KIF4A: variants seen among roughly 807,000 people sequenced by gnomAD.
The protein encoded by KIF4A is chromosome-associated kinesin KIF4A.
A neutral mutation model predicts 105.9 loss-of-function variants in KIF4A; 7 were observed. The ratio of observed to expected loss-of-function variants is 0.07; its 90% CI spans 0.04 to 0.12. The LOEUF is 0.12. Ranked by LOEUF, KIF4A falls within the 10% of genes least tolerant of loss-of-function variation. The pLI is 1.00. For synonymous variants in KIF4A, 281 were observed against 331.3 expected, an observed-to-expected ratio of 0.85 and a Z score of 1.65; for missense variants, 558 against 929.2, an observed-to-expected ratio of 0.60 and a Z score of 5.19.
chrX:70,368,486 A>T (rs1357890808), intron 15 of KIF4A, among the ~76,000 whole-genome samples: 4 of 112,152 alleles, frequency 3.6e-5, no homozygotes, highest in Non-Finnish European at 7.5e-5. Context: ...CCTTAGCTGC[A>T]GGTATGTTGG....
intron 9 of KIF4A, among the ~76,000 whole-genome samples, chrX:70,333,286 C>T (rs1397214890): frequency 2.9e-5 from 3 of 104,121 alleles, no homozygotes; most frequent in African/African-American, 1.1e-4. Flanking sequence ...TGCCACTGCA[C>T]TCCACCCTGG....
chrX:70,404,962 G>A (rs1443170415), intron 25 of KIF4A, 140 bp downstream of exon 25: 1 of 433,003 alleles, frequency 2.3e-6, no homozygotes, highest in African/African-American at 2.5e-5. Flanking sequence ...ACTGCTTTTA[G>A]GCCCTATTTG....
intron 1 of KIF4A, 56 bp from the exon 2 acceptor site, chrX:70,290,382 C>T (rs1429025930): frequency 3.5e-6 from 4 of 1,153,817 alleles, no homozygotes; most frequent in Non-Finnish European, 1.2e-6. Flanking sequence ...GGACGCCCTC[C>T]CACCCCTGCT....
intron 15 of KIF4A, among the ~76,000 whole-genome samples, chrX:70,358,682 T>C (rs955562366): frequency 2.7e-5 from 3 of 112,475 alleles, no homozygotes; most frequent in Admixed American, 9.5e-5. Flanking sequence ...GTCTTTCAGG[T>C]AAGATACTTT....
Position 70,406,505 on chromosome X carries a change from C to G in KIF4A, c.3072+151C>G. 8.3e-6 allele frequency: 4 copies of G among 483,491 alleles called. No homozygotes were observed. The South Asian group carries it at 1.4e-4, about 17-fold the overall frequency. 39.8% of individuals were successfully genotyped at this position (483,491 alleles called of 1,213,427 possible). A position where few individuals can be genotyped will look rare whatever the true frequency, so the allele number is the denominator to read the frequency against. On this transcript the variant is annotated intron_variant, in intron 27 of 30. Transcript: ENST00000374403. ...GTCCCAGATAAAACTACAGTTCAAT[C>G]CTAAGGAAAGTAGGCATTCTTACTC...
chrX:70,386,904 A>AT, intron 19 of KIF4A, among the ~76,000 whole-genome samples: 1 of 111,690 alleles, frequency 9.0e-6, no homozygotes, highest in East Asian at 2.8e-4. Flanking sequence ...TCAAATAAGG[A>AT]TTTTTTCCTA....
At position 70,353,670 on chromosome X, in the gene KIF4A, A is replaced by C. The variant is rs1183106241; in HGVS notation, c.1537A>C (p.Thr513Pro). ...GAGCAGGTCTTCTGACGCTTTTACC[A>C]CTCAGCATGCTCTCCGTCAAGCGCA... Reference protein sequence around the residue: ...ETSRSSDAFTTQHALRQAQMS... With the variant: ...ETSRSSDAFTPQHALRQAQMS... Residue 513 changes from threonine (T) to proline (P), a missense_variant, in exon 15 of 31, where the codon ACT (threonine) becomes CCT (proline). By Grantham distance (38) the Thr-to-Pro change is conservative (BLOSUM62 -1). Coordinates refer to ENST00000374403, the MANE Select transcript of KIF4A (RefSeq NM_012310.5). The C allele has an allele frequency of 8.3e-7, 1 of 1,209,181 alleles. No individual in the cohort carries two copies. Among genetic ancestry groups the C allele is most frequent in the Non-Finnish European group, 1.1e-6 (1 of 895,040 alleles).
chrX:70,295,413 G>A (rs967258328), intron 3 of KIF4A, among the ~76,000 whole-genome samples: 3 of 108,427 alleles, frequency 2.8e-5, no homozygotes, highest in African/African-American at 1.0e-4. Flanking sequence ...GACCTCAAGC[G>A]ATCTGCCCGC....
In KIF4A at chrX:70,406,774, G is replaced by A. The variant is rs2086301777; in HGVS notation, c.3073-119G>A. On this transcript the variant is annotated intron_variant, in intron 27 of 30. Coordinates refer to ENST00000374403, the MANE Select transcript of KIF4A (RefSeq NM_012310.5). ...GTAAAGCCAAGTGGGGTGGATTTGA[G>A]AGAGTCTGAAATCTTTGCTCTGAGA... is the stretch of plus-strand genomic sequence containing the variant. 7.8e-6 allele frequency: 6 copies of A among 764,726 alleles called. No individual in the cohort carries two copies. The African/African-American group carries it at 8.4e-5, about 11-fold the overall frequency. 63.0% of individuals were successfully genotyped at this position (764,726 alleles called of 1,213,427 possible).
chrX:70,368,598 G>T (rs945823992), intron 15 of KIF4A, among the ~76,000 whole-genome samples: 5 of 111,730 alleles, frequency 4.5e-5, no homozygotes, highest in Admixed American at 2.8e-4. Flanking sequence ...CTGCCTGATC[G>T]TTCCTCTGGA....
chrX:70,337,443 G>A (rs1362706912), intron 10 of KIF4A, among the ~76,000 whole-genome samples: 1 of 111,521 alleles, frequency 9.0e-6, no homozygotes, highest in South Asian at 3.8e-4. Context: ...AGCAAAGGTG[G>A]GCAGATTGCT....
intron 13 of KIF4A, among the ~76,000 whole-genome samples, chrX:70,351,727 T>TTTTTTG (rs753745634): frequency 6.3e-5 from 7 of 111,708 alleles, no homozygotes; most frequent in Non-Finnish European, 9.4e-5. Flanking sequence ...TTTCTTTCTG[T>TTTTTTG]TTTTTGTTTT....
intron 27 of KIF4A, among the ~76,000 whole-genome samples, chrX:70,406,602 A>G (rs2147739616): frequency 8.9e-6 from 1 of 112,120 alleles, no homozygotes; most frequent in Non-Finnish European, 1.9e-5. Flanking sequence ...AGGAGAAAAG[A>G]GCAATAATGT....
intron 28 of KIF4A, among the ~76,000 whole-genome samples, chrX:70,417,215 T>C (rs1367931560): frequency 8.9e-6 from 1 of 112,635 alleles, no homozygotes; most frequent in Non-Finnish European, 1.9e-5. Flanking sequence ...AGAAAATGGA[T>C]TTTTCAGCCA....
chrX:70,392,834 T>A (rs2086242362), intron 20 of KIF4A, among the ~76,000 whole-genome samples: 1 of 106,056 alleles, frequency 9.4e-6, no homozygotes, highest in South Asian at 4.0e-4. Flanking sequence ...TCCACTCTGA[T>A]CTTATAATAA....
At position 70,302,028 on chromosome X, in the gene KIF4A, C is replaced by T; in HGVS notation, c.645C>T (p.Ile215=). 1 of 1,211,761 alleles carries T rather than the reference C, an allele frequency of 8.3e-7. No individual in the cohort carries two copies. Among genetic ancestry groups the T allele is most frequent in the Non-Finnish European group, 1.1e-6 (1 of 895,460 alleles). Residue 215 remains isoleucine, a synonymous_variant, in exon 6 of 31, where the codon ATC becomes ATT. Coordinates refer to ENST00000374403, the MANE Select transcript of KIF4A (RefSeq NM_012310.5). The part of the protein sequence containing the change: ...MNSQSSRSHA[I]FTISLEQRKK... ...CCCAGTCGTCCCGATCTCATGCCAT[C>T]TTTACAATCTCCTTAGAGCAAAGAA...
intron 15 of KIF4A, among the ~76,000 whole-genome samples, chrX:70,372,141 C>T (rs978346614): frequency 1.5e-4 from 16 of 104,506 alleles, no homozygotes; most frequent in South Asian, 4.5e-4. Flanking sequence ...CCGGCAGAGA[C>T]GCTCCTCACT....
intron 7 of KIF4A, among the ~76,000 whole-genome samples, chrX:70,318,243 G>A (rs2085877627): frequency 9.0e-6 from 1 of 111,641 alleles, no homozygotes; most frequent in Non-Finnish European, 1.9e-5. Context: ...ATATAGTTTT[G>A]TCTACTTTTA....
At chrX:70,331,124 G>A (rs1343699299) in intron 9 of KIF4A, among the ~76,000 whole-genome samples, 1 of 109,438 alleles carries the variant, frequency 9.1e-6, no homozygotes, top group Non-Finnish European at 1.9e-5. Flanking sequence ...TCTGTGCCTT[G>A]GTATCCCTAT....
Sources: allele counts gnomAD v4.1 joint callset (sites outside exome capture counted in the v4.1 genomes callset), GRCh38; gene constraint gnomAD v4.1.1; transcripts MANE v1.5; gene names NCBI Gene and HGNC (gene_info 2026-07-23, HGNC 2026-07-21).